PDGFC: variants seen among roughly 807,000 people sequenced by gnomAD.
PDGFC encodes platelet derived growth factor C.
PDGFC carries 12 observed loss-of-function variants against 35.5 expected under a neutral mutation model. The observed-to-expected ratio is 0.34, with a 90% CI of 0.22 to 0.55. PDGFC has a LOEUF of 0.55. Ranked by LOEUF, PDGFC falls within the 20% of genes least tolerant of loss-of-function variation. PDGFC has a pLI of 0.91. For missense variants in PDGFC, 322 were observed against 412.4 expected, an observed-to-expected ratio of 0.78 and a Z score of 1.90; for synonymous variants, 159 against 148.8, an observed-to-expected ratio of 1.07 and a Z score of -0.50.
At chr4:156,824,985 T>G (rs550513397) in intron 2 of PDGFC, among the ~76,000 whole-genome samples, 34 of 152,294 alleles carry the variant, frequency 2.2e-4, no homozygotes, top group African/African-American at 8.2e-4. Flanking sequence ...ACATAATGCC[T>G]TAATACATGT....
intron 2 of PDGFC, among the ~76,000 whole-genome samples, chr4:156,824,573 C>G (rs1579035356): frequency 6.6e-6 from 1 of 151,978 alleles, no homozygotes; most frequent in South Asian, 2.1e-4. Context: ...AAAGTGCTCA[C>G]CTACTTGGCT....
intron 2 of PDGFC, among the ~76,000 whole-genome samples, chr4:156,816,566 C>A (rs967675048): frequency 6.6e-6 from 1 of 152,014 alleles, no homozygotes; most frequent in Admixed American, 6.6e-5. Flanking sequence ...CTCATTTAAT[C>A]CTCACAACAA....
At chr4:156,881,658 C>T (rs1161087205) in intron 1 of PDGFC, among the ~76,000 whole-genome samples, 1 of 151,978 alleles carries the variant, frequency 6.6e-6, no homozygotes, top group African/African-American at 2.4e-5. Context: ...TGGTGAAACC[C>T]TGTCTCTACT....
chr4:156,814,138 T>C (rs1381019265), intron 2 of PDGFC, among the ~76,000 whole-genome samples: 1 of 151,126 alleles, frequency 6.6e-6, no homozygotes, highest in Non-Finnish European at 1.5e-5. Context: ...AAAAAAAAAA[T>C]CCAGATTATC....
chr4:156,971,525 G>A lies in PDGFC; in HGVS notation c.-622C>T. 2 of 184,044 alleles carry A rather than the reference G, an allele frequency of 1.1e-5. No individual in the cohort carries two copies. The highest frequency in any genetic ancestry group is 6.2e-5 in the Admixed American group (1 of 16,212). The allele number at this position is 184,044 out of a possible 1,614,324, so 11.4% of individuals were successfully genotyped here. ...GGGGGCTCCGGGCCGACGGCGGCCC[G>A]GGCGCAGGCGGAGAGAGGCCGCGGG... On this transcript the variant is annotated 5_prime_UTR_variant, in exon 1 of 6. Transcript: ENST00000502773.
chr4:156,788,456 G>A (rs1731189933), intron 3 of PDGFC, among the ~76,000 whole-genome samples: 1 of 152,170 alleles, frequency 6.6e-6, no homozygotes, highest in African/African-American at 2.4e-5. Flanking sequence ...TTAAATTTCA[G>A]TATCAGAAAC....
chr4:156,769,031 T>C (rs968678422), intron 4 of PDGFC, among the ~76,000 whole-genome samples: 1 of 151,952 alleles, frequency 6.6e-6, no homozygotes, highest in African/African-American at 2.4e-5. Context: ...CCTAGAAATA[T>C]TCAAATAAAG....
At chr4:156,789,116 T>G (rs1417605184) in intron 3 of PDGFC, among the ~76,000 whole-genome samples, 3 of 152,174 alleles carry the variant, frequency 2.0e-5, no homozygotes, top group African/African-American at 7.2e-5. Flanking sequence ...TTTTATTGAA[T>G]CCACTGCTAC....
chr4:156,868,220 T>C (rs1282284712), intron 1 of PDGFC, among the ~76,000 whole-genome samples: 10 of 152,202 alleles, frequency 6.6e-5, no homozygotes. Flanking sequence ...GTCACAAATC[T>C]GAAAGTTTTA....
chr4:156,851,460 T>A (rs909743609), intron 1 of PDGFC, among the ~76,000 whole-genome samples: 1 of 152,146 alleles, frequency 6.6e-6, no homozygotes, highest in African/African-American at 2.4e-5. Context: ...CTCCTTTTTA[T>A]TAAAATGTTG....
At chr4:156,820,860 T>C (rs913791078) in intron 2 of PDGFC, among the ~76,000 whole-genome samples, 6 of 152,206 alleles carry the variant, frequency 3.9e-5, no homozygotes, top group Admixed American at 3.9e-4. Flanking sequence ...AGAGGCAGTA[T>C]ATTGGATCAA....
intron 1 of PDGFC, among the ~76,000 whole-genome samples, chr4:156,933,919 T>A (rs1731615133): frequency 6.6e-6 from 1 of 152,206 alleles, no homozygotes; most frequent in African/African-American, 2.4e-5. Flanking sequence ...CCCAGCCATG[T>A]GGAACTGTGA....
intron 3 of PDGFC, among the ~76,000 whole-genome samples, chr4:156,804,192 A>G (rs1474337312): frequency 6.6e-6 from 1 of 151,896 alleles, no homozygotes; most frequent in Non-Finnish European, 1.5e-5. Flanking sequence ...CTTGAAATAA[A>G]AGTAATTGTA....
chr4:156,918,038 G>A (rs547356137), intron 1 of PDGFC, among the ~76,000 whole-genome samples: 6 of 152,162 alleles, frequency 3.9e-5, no homozygotes, highest in Non-Finnish European at 2.9e-5. Flanking sequence ...TAATTACTTG[G>A]TGCAATTACT....
intron 4 of PDGFC, among the ~76,000 whole-genome samples, chr4:156,770,813 C>T (rs1296620100): frequency 1.3e-5 from 2 of 152,078 alleles, no homozygotes; most frequent in Non-Finnish European, 2.9e-5. Context: ...TTAAGATATT[C>T]AGTCCAAAGA....
chr4:156,824,010 T>C (rs1384748950), intron 2 of PDGFC, among the ~76,000 whole-genome samples: 2 of 152,008 alleles, frequency 1.3e-5, no homozygotes, highest in Non-Finnish European at 1.5e-5. Flanking sequence ...CTCATTTATA[T>C]GTGAAATCTA....
At chr4:156,778,285 TAACCA>T (rs1300124417) in intron 3 of PDGFC, 1 of 316,138 alleles carries the variant, frequency 3.2e-6, no homozygotes, top group Non-Finnish European at 6.9e-6. Flanking sequence ...ATCACACAAG[TAACCA>T]AACAAGTATC....
intron 2 of PDGFC, among the ~76,000 whole-genome samples, chr4:156,828,988 T>C (rs1231805369): frequency 1.3e-5 from 2 of 152,202 alleles, no homozygotes; most frequent in African/African-American, 2.4e-5. Context: ...AACTATTTAA[T>C]GGAAATTTAG....
At chr4:156,946,504 G>A (rs1731951991) in intron 1 of PDGFC, among the ~76,000 whole-genome samples, 1 of 152,014 alleles carries the variant, frequency 6.6e-6, no homozygotes, top group East Asian at 1.9e-4. Context: ...TAATGAGCAT[G>A]GCATTAGAAA....
Sources: allele counts gnomAD v4.1 joint callset (sites outside exome capture counted in the v4.1 genomes callset), GRCh38; gene constraint gnomAD v4.1.1; transcripts MANE v1.5; gene names NCBI Gene and HGNC (gene_info 2026-07-23, HGNC 2026-07-21).